EDAR: variants seen among roughly 807,000 people sequenced by gnomAD.
EDAR encodes the protein tumor necrosis factor receptor superfamily member EDAR.
EDAR carries 38 observed loss-of-function variants against 51.3 expected under a neutral mutation model. The ratio of observed to expected loss-of-function variants is 0.74; its 90% CI spans 0.57 to 0.97. The LOEUF (loss-of-function observed/expected upper bound fraction) is 0.97. Among genes scored for constraint, EDAR ranks in the 50% least tolerant of loss-of-function variants. The pLI is 0.00. For missense variants in EDAR, 528 were observed against 595.0 expected (o/e 0.89, Z 1.17); for synonymous variants, 227 against 242.1 (o/e 0.94, Z 0.58).
chr2:108,897,354 C>T, intron 11 of EDAR, 125 bp from the exon 12 acceptor site: 1 of 929,294 alleles, frequency 1.1e-6, no homozygotes, highest in Non-Finnish European at 1.6e-6. Flanking sequence ...ATAAAACATG[C>T]AGAAAGCCAC....
chr2:108,988,751 G>T (rs996732492), intron 1 of EDAR, among the ~76,000 whole-genome samples: 1 of 152,144 alleles, frequency 6.6e-6, no homozygotes, highest in African/African-American at 2.4e-5. Flanking sequence ...GCAAAACAGG[G>T]TTTCTGATGT....
At chr2:108,941,627 C>T (rs775899895) in intron 1 of EDAR, among the ~76,000 whole-genome samples, 3 of 152,164 alleles carry the variant, frequency 2.0e-5, no homozygotes, top group Non-Finnish European at 4.4e-5. Flanking sequence ...ATCTCCTTGG[C>T]CCAGAGGCAC....
At chr2:108,955,685 G>T (rs1487920518) in intron 1 of EDAR, among the ~76,000 whole-genome samples, 1 of 150,776 alleles carries the variant, frequency 6.6e-6, no homozygotes, top group African/African-American at 2.4e-5. Flanking sequence ...TAGCCTGGGC[G>T]ACAGAGTGAG....
chr2:108,951,929 T>A (rs1697835027), intron 1 of EDAR, among the ~76,000 whole-genome samples: 1 of 152,218 alleles, frequency 6.6e-6, no homozygotes, highest in African/African-American at 2.4e-5. Flanking sequence ...ACATAGACTT[T>A]CCCTTGACAC....
chr2:108,957,374 A>T (rs1697945832), intron 1 of EDAR, among the ~76,000 whole-genome samples: 2 of 152,230 alleles, frequency 1.3e-5, no homozygotes, highest in African/African-American at 4.8e-5. Flanking sequence ...TGGTTTAGGA[A>T]GTCGGGGGCA....
At chr2:108,982,236 G>A (rs1362483708) in intron 1 of EDAR, among the ~76,000 whole-genome samples, 4 of 152,144 alleles carry the variant, frequency 2.6e-5, no homozygotes, top group Admixed American at 6.5e-5. Context: ...AATGTTCCAG[G>A]GTAAACAGGA....
chr2:108,986,184 T>C (rs541181388), intron 1 of EDAR, among the ~76,000 whole-genome samples: 1 of 152,192 alleles, frequency 6.6e-6, no homozygotes, highest in Non-Finnish European at 1.5e-5. Flanking sequence ...GTTACTAGAC[T>C]ATCTTAGACT....
intron 5 of EDAR, among the ~76,000 whole-genome samples, chr2:108,921,872 G>C (rs917800558): frequency 6.6e-6 from 1 of 152,264 alleles, no homozygotes; most frequent in Non-Finnish European, 1.5e-5. Context: ...CAGCAGGACT[G>C]TCTATTTCTC....
chr2:108,921,513 G>A (rs1475896452), intron 5 of EDAR, among the ~76,000 whole-genome samples: 1 of 152,234 alleles, frequency 6.6e-6, no homozygotes, highest in African/African-American at 2.4e-5. Context: ...GACAGGGCCT[G>A]CTGGACCTGG....
In EDAR at chr2:108,895,294, A is replaced by ACTT. The variant is rs1311121343; in HGVS notation, c.*1610_*1612dup. 2 of 152,602 alleles carry ACTT rather than the reference A, an allele frequency of 1.3e-5. No homozygotes were observed. The highest frequency in any genetic ancestry group is 1.3e-4 in the Admixed American group (2 of 15,274). 9.5% of individuals were successfully genotyped at this position (152,602 alleles called of 1,614,324 possible). A position where few individuals can be genotyped will look rare whatever the true frequency, so the allele number is the denominator to read the frequency against. ...CCTAAAGCATTTTTTCAGTCATGCA[A>ACTT]CTTGTAATTTTTACAACCTCGCTTT... On this transcript the variant is annotated 3_prime_UTR_variant, in exon 12 of 12. Transcript: ENST00000258443.
chr2:108,929,529 A>G lies in EDAR; in HGVS notation c.175-150T>C, dbSNP rs1429229708. ...TTTCCTGAGTTGTCCTAACTGCAAA[A>G]CCCCCCAGGAACCAGCTCATGCTCT... On this transcript the variant is annotated intron_variant, in intron 3 of 11. Coordinates refer to ENST00000258443, the MANE Select transcript of EDAR (RefSeq NM_022336.4). 4 of 810,726 alleles carry G rather than the reference A, an allele frequency of 4.9e-6. No individual in the cohort carries two copies. The African/African-American group carries it at 5.1e-5, about 10-fold the overall frequency. The allele number at this position is 810,726 out of a possible 1,614,324, so 50.2% of individuals were successfully genotyped here. A position where few individuals can be genotyped will look rare whatever the true frequency, so the allele number is the denominator to read the frequency against.
At chr2:108,953,992 G>C (rs1232667219) in intron 1 of EDAR, among the ~76,000 whole-genome samples, 2 of 152,150 alleles carry the variant, frequency 1.3e-5, no homozygotes, top group African/African-American at 2.4e-5. Context: ...CTCCTGAAAG[G>C]CATGATAAGT....
At chr2:108,978,088 G>C (rs1698358646) in intron 1 of EDAR, among the ~76,000 whole-genome samples, 1 of 152,196 alleles carries the variant, frequency 6.6e-6, no homozygotes, top group East Asian at 1.9e-4. Flanking sequence ...ATAGGGAAGA[G>C]CCCAGGGTAG....
chr2:108,939,556 G>A (rs78240603), intron 1 of EDAR, among the ~76,000 whole-genome samples: 3,364 of 150,594 alleles, frequency 0.022, 60 homozygotes, highest in Non-Finnish European at 0.034. Context: ...CAATGGAAAA[G>A]TAGAGAGAGA....
chr2:108,969,820 G>A (rs1346054984), intron 1 of EDAR, among the ~76,000 whole-genome samples: 2 of 152,180 alleles, frequency 1.3e-5, no homozygotes, highest in East Asian at 3.8e-4. Flanking sequence ...TAATAACAAC[G>A]CAAGGCAGTG....
At chr2:108,963,463 G>A (rs1241037358) in intron 1 of EDAR, among the ~76,000 whole-genome samples, 1 of 152,154 alleles carries the variant, frequency 6.6e-6, no homozygotes, top group Non-Finnish European at 1.5e-5. Flanking sequence ...GGATTCACGT[G>A]CACTTGTAAG....
At chr2:108,951,792 T>C (rs1697832472) in intron 1 of EDAR, among the ~76,000 whole-genome samples, 1 of 152,196 alleles carries the variant, frequency 6.6e-6, no homozygotes, top group Non-Finnish European at 1.5e-5. Context: ...GGCAACACTA[T>C]ATCAGAACCA....
intron 10 of EDAR, among the ~76,000 whole-genome samples, chr2:108,906,894 C>A (rs138670127): frequency 2.6e-5 from 4 of 152,244 alleles, no homozygotes; most frequent in African/African-American, 9.6e-5. Flanking sequence ...GAACTCGGGG[C>A]AGGCAGAGCT....
chr2:108,987,979 C>G (rs1421902735), intron 1 of EDAR, among the ~76,000 whole-genome samples: 2 of 152,172 alleles, frequency 1.3e-5, no homozygotes, highest in Non-Finnish European at 1.5e-5. Context: ...TTCTTTGTTA[C>G]ACTTTCACTC....
Sources: allele counts gnomAD v4.1 joint callset (sites outside exome capture counted in the v4.1 genomes callset), GRCh38; gene constraint gnomAD v4.1.1; transcripts MANE v1.5; gene names NCBI Gene and HGNC (gene_info 2026-07-23, HGNC 2026-07-21).